Variants in RUNDC3B observed in about 807,000 individuals in gnomAD.
The protein encoded by RUNDC3B is RUN domain containing 3B.
Under a neutral mutation model 58.4 loss-of-function variants are expected in RUNDC3B, and 33 were observed. That is an observed-to-expected ratio of 0.56 (90% CI 0.43 to 0.75). The LOEUF (loss-of-function observed/expected upper bound fraction) is 0.75. Among genes scored for constraint, RUNDC3B ranks in the 30% least tolerant of loss-of-function variants. The pLI is 0.00. For synonymous variants in RUNDC3B, 193 were observed against 195.2 expected, an observed-to-expected ratio of 0.99 and a Z score of 0.10; for missense variants, 501 against 535.7, an observed-to-expected ratio of 0.94 and a Z score of 0.64.
intron 9 of RUNDC3B, among the ~76,000 whole-genome samples, chr7:87,811,679 T>G (rs536050205): frequency 6.6e-6 from 1 of 152,288 alleles, no homozygotes; most frequent in South Asian, 2.1e-4. Context: ...TCACTTCATA[T>G]GTATTCACAG....
At chr7:87,721,769 C>G (rs1830903283) in intron 4 of RUNDC3B, among the ~76,000 whole-genome samples, 1 of 151,646 alleles carries the variant, frequency 6.6e-6, no homozygotes, top group Admixed American at 6.6e-5. Flanking sequence ...TTCTAACATT[C>G]TCTTTCTCTC....
chr7:87,752,508 A>G (rs1584105219), intron 6 of RUNDC3B, among the ~76,000 whole-genome samples: 1 of 151,482 alleles, frequency 6.6e-6, no homozygotes, highest in South Asian at 2.1e-4. Flanking sequence ...CTGGTCCTGG[A>G]CTCTTTTTGG....
intron 2 of RUNDC3B, among the ~76,000 whole-genome samples, chr7:87,694,515 C>T (rs866410726): frequency 6.6e-6 from 1 of 152,022 alleles, no homozygotes; most frequent in East Asian, 1.9e-4. Context: ...AATAGTAGAA[C>T]GAAAGAGAAA....
At chr7:87,654,427 A>G (rs751822851) in intron 2 of RUNDC3B, among the ~76,000 whole-genome samples, 45 of 152,132 alleles carry the variant, frequency 3.0e-4, no homozygotes, top group Non-Finnish European at 5.4e-4. Flanking sequence ...AAATAAATCC[A>G]TGCATTTCTG....
At chr7:87,637,842 T>A (rs1376192593) in intron 1 of RUNDC3B, among the ~76,000 whole-genome samples, 1 of 152,080 alleles carries the variant, frequency 6.6e-6, no homozygotes, top group African/African-American at 2.4e-5. Flanking sequence ...GAGTGCACAG[T>A]CATGTCATTT....
At chr7:87,714,774 C>G (rs527498575) in intron 4 of RUNDC3B, among the ~76,000 whole-genome samples, 3 of 151,974 alleles carry the variant, frequency 2.0e-5, no homozygotes, top group Admixed American at 6.6e-5. Flanking sequence ...GGCACCCCCC[C>G]GCCCCATGCA....
chr7:87,749,835 A>C (rs1045485272), intron 6 of RUNDC3B, among the ~76,000 whole-genome samples: 2 of 151,928 alleles, frequency 1.3e-5, no homozygotes, highest in Non-Finnish European at 2.9e-5. Flanking sequence ...AGCTTTTTCT[A>C]TGCATAGATA....
chr7:87,753,684 C>T (rs1383075444), intron 6 of RUNDC3B, among the ~76,000 whole-genome samples: 1 of 152,120 alleles, frequency 6.6e-6, no homozygotes, highest in African/African-American at 2.4e-5. Flanking sequence ...GTTGCTTATA[C>T]TGAAAACTTT....
intron 6 of RUNDC3B, among the ~76,000 whole-genome samples, chr7:87,759,054 T>C (rs1833534832): frequency 6.6e-6 from 1 of 152,232 alleles, no homozygotes; most frequent in African/African-American, 2.4e-5. Context: ...GCAGTACTAT[T>C]CACAATAGCT....
chr7:87,692,801 T>C (rs528958598), intron 2 of RUNDC3B, among the ~76,000 whole-genome samples: 1 of 152,342 alleles, frequency 6.6e-6, no homozygotes, highest in African/African-American at 2.4e-5. Context: ...TTGTTTGTTG[T>C]AGTTATAGCA....
chr7:87,778,765 A>G (rs1229415118), intron 8 of RUNDC3B, among the ~76,000 whole-genome samples: 1 of 152,196 alleles, frequency 6.6e-6, no homozygotes, highest in Non-Finnish European at 1.5e-5. Flanking sequence ...ACTTTCTGGT[A>G]CAAACCTCTT....
rs868832705 is a variant in RUNDC3B, at chr7:87,679,242, G to A, written c.239-21179G>A. 4.0e-5 allele frequency among the ~76,000 whole-genome samples: 6 copies of A among 148,648 alleles called. 1 individual carries two copies. Among genetic ancestry groups the A allele is most frequent in the South Asian group, 2.1e-4 (1 of 4,728 alleles). ...CAAGAAGCTGGGACTACAGGTGCCC[G>A]CCACCACGCCCGGGTAATTTTTTTG... On this transcript the variant is annotated intron_variant, in intron 2 of 10. Coordinates refer to ENST00000394654, the MANE Select transcript of RUNDC3B (RefSeq NM_001134405.2).
At chr7:87,798,207 A>G (rs1380514670) in intron 8 of RUNDC3B, among the ~76,000 whole-genome samples, 2 of 152,150 alleles carry the variant, frequency 1.3e-5, no homozygotes, top group Non-Finnish European at 2.9e-5. Flanking sequence ...ATTTATTGCA[A>G]TATTTCTTTT....
intron 2 of RUNDC3B, among the ~76,000 whole-genome samples, chr7:87,670,639 T>C (rs1825732675): frequency 6.6e-6 from 1 of 152,238 alleles, no homozygotes; most frequent in Non-Finnish European, 1.5e-5. Context: ...TTAAGTATAG[T>C]CAACAGACTT....
At chr7:87,631,435 G>A (rs1384542861) in intron 1 of RUNDC3B, among the ~76,000 whole-genome samples, 1 of 152,044 alleles carries the variant, frequency 6.6e-6, no homozygotes, top group African/African-American at 2.4e-5. Flanking sequence ...CTGTCTCCCA[G>A]GCTGGAGAGC....
intron 2 of RUNDC3B, among the ~76,000 whole-genome samples, chr7:87,691,624 G>A (rs1828022901): frequency 1.3e-5 from 2 of 152,140 alleles, no homozygotes; most frequent in South Asian, 2.1e-4. Flanking sequence ...TTTGTCATAC[G>A]CTTGTTTATT....
At chr7:87,794,468 C>G (rs1007142290) in intron 8 of RUNDC3B, among the ~76,000 whole-genome samples, 1 of 151,846 alleles carries the variant, frequency 6.6e-6, no homozygotes, top group Non-Finnish European at 1.5e-5. Context: ...CTGTAAAACA[C>G]TAATGAAAGA....
intron 2 of RUNDC3B, among the ~76,000 whole-genome samples, chr7:87,677,679 A>G (rs761321182): frequency 6.6e-5 from 10 of 152,204 alleles, no homozygotes; most frequent in Non-Finnish European, 1.3e-4. Flanking sequence ...AAAACAGAAC[A>G]AAACAAAAAA....
chr7:87,824,839 G>T (rs1193520594), intron 10 of RUNDC3B, among the ~76,000 whole-genome samples: 5 of 152,162 alleles, frequency 3.3e-5, no homozygotes, highest in Non-Finnish European at 7.3e-5. Flanking sequence ...TTTTGCCCCT[G>T]CCATAGAGAC....
Sources: gnomAD v4.1 joint callset for allele counts (sites outside exome capture counted in the v4.1 genomes callset) on GRCh38, gnomAD v4.1.1 for gene constraint, MANE v1.5 for transcripts, NCBI Gene and HGNC (gene_info 2026-07-23, HGNC 2026-07-21) for gene names.